Variants in ZNF451 observed in about 807,000 individuals in gnomAD.
The protein encoded by ZNF451 is zinc finger protein 451.
ZNF451 carries 80 observed loss-of-function variants against 107.1 expected under a neutral mutation model. The ratio of observed to expected loss-of-function variants is 0.75; its 90% confidence interval spans 0.62 to 0.90. The LOEUF is 0.90. ZNF451 is among the 40% of genes least tolerant of loss of function. The pLI, the probability that ZNF451 is intolerant of heterozygous loss-of-function variation, is 0.00. For missense variants in ZNF451, 1,107 were observed against 1,236.2 expected, an observed-to-expected ratio of 0.90 and a Z score of 1.57; for synonymous variants, 362 against 406.5, an observed-to-expected ratio of 0.89 and a Z score of 1.32.
intron 13 of ZNF451, among the ~76,000 whole-genome samples, chr6:57,156,027 C>T (rs546913691): frequency 3.3e-5 from 5 of 151,870 alleles, no homozygotes; most frequent in African/African-American, 1.2e-4. Flanking sequence ...TTTTTTGGAG[C>T]CTCATTTTTT....
At chr6:57,099,542 G>C (rs1225731195) in intron 3 of ZNF451, 21 of 716,152 alleles carry the variant, frequency 2.9e-5, no homozygotes, top group Admixed American at 6.0e-5. Context: ...TTAGAAAAAA[G>C]GATATGTAGA....
intron 3 of ZNF451, chr6:57,101,575 C>G: frequency 6.4e-7 from 1 of 1,550,860 alleles, no homozygotes; most frequent in East Asian, 2.4e-5. Context: ...CATTGCAGCC[C>G]GAGCTGCTAG....
intron 11 of ZNF451, 80 bp from the exon 12 acceptor site, chr6:57,152,141 G>A (rs1832379698): frequency 5.5e-6 from 8 of 1,457,800 alleles, no homozygotes; most frequent in East Asian, 2.3e-5. Context: ...TTTTTTTCTA[G>A]TATGTGTTTT....
Position 57,124,716 on chromosome 6 carries a change from A to AT in ZNF451, c.187-11dup. 1.3e-6 allele frequency: 2 copies of AT among 1,533,526 alleles called. No homozygotes were observed. The highest frequency in any genetic ancestry group is 1.8e-5 in the Admixed American group (1 of 56,922). 95.0% of individuals were successfully genotyped at this position (1,533,526 alleles called of 1,614,324 possible). A position where few individuals can be genotyped will look rare whatever the true frequency, so the allele number is the denominator to read the frequency against. Reference sequence around the variant, plus strand: ...GCTAATTTTGTTAAAAGGAATGAAAATTTTTTTCATGTTATAGGAGAATAT... The same window carrying AT: ...GCTAATTTTGTTAAAAGGAATGAAAATTTTTTTTCATGTTATAGGAGAATAT... On this transcript the variant is annotated splice_polypyrimidine_tract_variant and intron_variant, in intron 3 of 14. Coordinates refer to ENST00000370706, the MANE Select transcript of ZNF451 (RefSeq NM_001031623.3).
chr6:57,155,415 G>A (rs889121659), intron 13 of ZNF451, among the ~76,000 whole-genome samples: 2 of 152,178 alleles, frequency 1.3e-5, no homozygotes, highest in African/African-American at 2.4e-5. Flanking sequence ...GAACCCAGGA[G>A]GCGGAGGTTG....
At chr6:57,159,286 C>A (rs1562629765) in intron 13 of ZNF451, 8 of 985,276 alleles carry the variant, frequency 8.1e-6, no homozygotes, top group Admixed American at 6.1e-5. Context: ...TTATTCAAAC[C>A]TGTAGTGTAG....
intron 3 of ZNF451, chr6:57,124,416 T>TCTCC (rs1281912556): frequency 4.2e-6 from 3 of 715,160 alleles, no homozygotes; most frequent in Non-Finnish European, 5.2e-6. Context: ...TCTCTCTCTC[T>TCTCC]CTCCAATTTT....
intron 3 of ZNF451, among the ~76,000 whole-genome samples, chr6:57,111,351 A>G: frequency 7.0e-6 from 1 of 142,302 alleles, no homozygotes. Context: ...TCATATTCAG[A>G]GTTACTGTGG....
At chr6:57,102,792 C>T in intron 3 of ZNF451, 6 of 985,418 alleles carry the variant, frequency 6.1e-6, no homozygotes, top group Non-Finnish European at 7.2e-6. Flanking sequence ...AAGACTTCTA[C>T]CTGTAACATC....
chr6:57,148,079 T>C lies in ZNF451; in HGVS notation c.1994T>C (p.Ile665Thr), dbSNP rs756076400. ...GATGAGCATGACAATGAGATAAAGA[T>C]TAAATACTTCTGTGGGCTTTGTGAT... ...CQDEHDNEIK[I>T]KYFCGLCDLI... Residue 665 changes from isoleucine to threonine, a missense_variant, in exon 10 of 15, where the codon ATT (isoleucine) becomes ACT (threonine). By Grantham distance (89) the Ile-to-Thr change is moderately conservative. This residue lies in a region of ZNF451 where 608 missense variants were observed against 649.2 expected (regional missense o/e 0.94). Coordinates refer to ENST00000370706, the MANE Select transcript of ZNF451 (RefSeq NM_001031623.3). The C allele has an allele frequency of 6.8e-6, 11 of 1,613,974 alleles. No homozygotes were observed. Among genetic ancestry groups the C allele is most frequent in the African/African-American group, 2.7e-5 (2 of 74,930 alleles).
At chr6:57,097,819 G>A (rs1829399541) in intron 2 of ZNF451, among the ~76,000 whole-genome samples, 2 of 152,138 alleles carry the variant, frequency 1.3e-5, no homozygotes, top group Admixed American at 1.3e-4. Flanking sequence ...CAGCCCATAG[G>A]AATGTCAGCT....
intron 4 of ZNF451, among the ~76,000 whole-genome samples, 186 bp downstream of exon 4, chr6:57,125,045 T>A (rs1442066336): frequency 1.3e-5 from 2 of 152,122 alleles, no homozygotes; most frequent in African/African-American, 4.8e-5. Flanking sequence ...TGGATTCTTA[T>A]CTGTATATAG....
intron 3 of ZNF451, among the ~76,000 whole-genome samples, chr6:57,120,871 A>G (rs889471142): frequency 6.6e-6 from 1 of 152,178 alleles, no homozygotes; most frequent in African/African-American, 2.4e-5. Flanking sequence ...TCTTTTGCAG[A>G]GAAGTTTTAA....
chr6:57,157,408 C>A (rs544849997), intron 13 of ZNF451, among the ~76,000 whole-genome samples: 2 of 152,006 alleles, frequency 1.3e-5, no homozygotes, highest in Non-Finnish European at 2.9e-5. Context: ...TTCTGTATAT[C>A]GGTGTCCAGT....
intron 3 of ZNF451, chr6:57,114,830 A>T (rs978736002): frequency 2.0e-5 from 3 of 152,164 alleles, no homozygotes; most frequent in African/African-American, 7.2e-5. Context: ...ACATATGCTG[A>T]TTGTAGAAAA....
At chr6:57,129,558 T>C (rs1394191717) in intron 5 of ZNF451, among the ~76,000 whole-genome samples, 2 of 152,216 alleles carry the variant, frequency 1.3e-5, no homozygotes, top group Admixed American at 1.3e-4. Flanking sequence ...ATGCATGCAA[T>C]GCTTAACTTT....
At chr6:57,120,328 A>G (rs529806474) in intron 3 of ZNF451, among the ~76,000 whole-genome samples, 8 of 152,362 alleles carry the variant, frequency 5.3e-5, no homozygotes, top group African/African-American at 1.9e-4. Context: ...CGATTGAAGG[A>G]CATCTTGGTT....
At position 57,138,704 on chromosome 6, in the gene ZNF451, CATATATATATATATAT is replaced by C. The variant is rs60629541; in HGVS notation, c.703-2575_703-2560del. On this transcript the variant is annotated intron_variant, in intron 7 of 14. Coordinates refer to ENST00000370706, the MANE Select transcript of ZNF451 (RefSeq NM_001031623.3). The stretch of plus-strand genomic sequence containing the variant: ...TTGTAGAATGTATTTGCAGCTATGC[CATATATATATATATAT>C]ATATATATATATATATATATATGTG... 4.5e-3 allele frequency among the ~76,000 whole-genome samples: 197 copies of C among 43,774 alleles called. 4 individuals are homozygous for C. Among genetic ancestry groups the C allele is most frequent in the African/African-American group, 0.017 (157 of 9,430 alleles). The allele number at this position is 43,774 out of a possible 152,430, so 28.7% of individuals were successfully genotyped here.
chr6:57,102,307 A>G, intron 3 of ZNF451: 3 of 1,254,456 alleles, frequency 2.4e-6, no homozygotes, highest in Non-Finnish European at 3.0e-6. Flanking sequence ...AGCAGTGGAG[A>G]CTTTCTTGAA....
Sources: allele counts gnomAD v4.1 joint callset (sites outside exome capture counted in the v4.1 genomes callset), GRCh38; gene constraint gnomAD v4.1.1; regional missense constraint gnomAD v4.1.1; transcripts MANE v1.5; gene names NCBI Gene and HGNC (gene_info 2026-07-23, HGNC 2026-07-21).